The following SYNPR variants were observed in gnomAD, a reference collection of about 807,000 sequenced individuals.
SYNPR encodes synaptoporin.
In SYNPR, 23 loss-of-function variants were observed where a neutral mutation model predicts 32.9. The observed-to-expected ratio is 0.70, with a 90% CI of 0.50 to 0.99. SYNPR has a LOEUF of 0.99. Among genes scored for constraint, SYNPR ranks in the 50% least tolerant of loss-of-function variants. The pLI, the probability that SYNPR is intolerant of heterozygous loss-of-function variation, is 0.00. For synonymous variants in SYNPR, 146 were observed against 135.9 expected, an observed-to-expected ratio of 1.07 and a Z score of -0.52; for missense variants, 318 against 349.3, an observed-to-expected ratio of 0.91 and a Z score of 0.71.
At chr3:63,615,080 C>T (rs1269812274) in intron 5 of SYNPR, 144 bp from the exon 6 acceptor site, 4 of 976,800 alleles carry the variant, frequency 4.1e-6, no homozygotes, top group South Asian at 3.5e-5. Context: ...AAATGAAATA[C>T]CGGTTCCAAA....
chr3:63,367,862 A>T (rs2087747152), intron 2 of SYNPR, among the ~76,000 whole-genome samples: 1 of 152,210 alleles, frequency 6.6e-6, no homozygotes, highest in African/African-American at 2.4e-5. Flanking sequence ...GGGCAAGCAC[A>T]ATCACTGATG....
chr3:63,564,862 T>G (rs1702755184), intron 4 of SYNPR, among the ~76,000 whole-genome samples: 1 of 152,230 alleles, frequency 6.6e-6, no homozygotes, highest in African/African-American at 2.4e-5. Context: ...TCTGTAGCCT[T>G]AATAAAGGCA....
intron 2 of SYNPR, among the ~76,000 whole-genome samples, chr3:63,337,047 C>A (rs2106994411): frequency 6.6e-6 from 1 of 151,982 alleles, no homozygotes; most frequent in South Asian, 2.1e-4. Context: ...GCCTGGCCAA[C>A]ATGGTGAAAT....
chr3:63,513,833 G>T (rs1166870469), intron 3 of SYNPR, among the ~76,000 whole-genome samples: 2 of 151,856 alleles, frequency 1.3e-5, no homozygotes, highest in Non-Finnish European at 2.9e-5. Context: ...AAAAAGAAAG[G>T]GAGAGAGAAA....
chr3:63,325,518 G>T (rs138245806), intron 2 of SYNPR, among the ~76,000 whole-genome samples: 4 of 152,022 alleles, frequency 2.6e-5, no homozygotes, highest in South Asian at 4.1e-4. Flanking sequence ...CTAAGCCCAG[G>T]ATCTTACTGA....
intron 2 of SYNPR, among the ~76,000 whole-genome samples, chr3:63,386,928 C>G (rs2088053972): frequency 6.6e-6 from 1 of 152,232 alleles, no homozygotes; most frequent in African/African-American, 2.4e-5. Flanking sequence ...GGCCTCTGCT[C>G]TTCTTTCCAG....
intron 3 of SYNPR, among the ~76,000 whole-genome samples, chr3:63,517,434 T>TAAG (rs1701821071): frequency 6.6e-6 from 1 of 152,096 alleles, no homozygotes; most frequent in Non-Finnish European, 1.5e-5. Flanking sequence ...TTAAGTGAAT[T>TAAG]TGTACTGAAA....
chr3:63,431,563 G>C (rs1553635651), intron 2 of SYNPR, among the ~76,000 whole-genome samples: 1 of 152,150 alleles, frequency 6.6e-6, no homozygotes, highest in Non-Finnish European at 1.5e-5. Context: ...AATTTATCTG[G>C]TTTTTTGAAG....
At chr3:63,309,581 G>T (rs922017388) in intron 2 of SYNPR, among the ~76,000 whole-genome samples, 5 of 152,018 alleles carry the variant, frequency 3.3e-5, no homozygotes, top group Non-Finnish European at 7.4e-5. Context: ...ATTACTCCCT[G>T]CTTCTGAGGC....
chr3:63,413,023 G>A (rs185885527), intron 2 of SYNPR, among the ~76,000 whole-genome samples: 23 of 152,094 alleles, frequency 1.5e-4, no homozygotes, highest in African/African-American at 3.9e-4. Flanking sequence ...AAGTGTTCAC[G>A]TCATTATCTT....
rs376530235 is a variant in SYNPR, at chr3:63,408,220, G to A, written c.85-72612G>A. Among the ~76,000 whole-genome samples the A allele has an allele frequency of 2.9e-3, 200 of 68,628 alleles. 2 individuals are homozygous for A. Among genetic ancestry groups the A allele is most frequent in the Non-Finnish European group, 3.7e-3 (136 of 36,512 alleles). The allele number at this position is 68,628 out of a possible 152,430, so 45.0% of individuals were successfully genotyped here. A position where few individuals can be genotyped will look rare whatever the true frequency, so the allele number is the denominator to read the frequency against. ...AGGAAGGAAGGAAGGAAGGAAGGAA[G>A]GAAGGAAGGAAAGAAAGAAAGAAAG... On this transcript the variant is annotated intron_variant, in intron 2 of 5. Transcript: ENST00000478300.
chr3:63,494,895 C>T lies in SYNPR; in HGVS notation c.209+13939C>T, dbSNP rs77501898. 8.3e-3 allele frequency among the ~76,000 whole-genome samples: 1,264 copies of T among 152,212 alleles called. 58 individuals carry two copies. The East Asian group carries it at 0.13, about 16-fold the overall frequency. The stretch of plus-strand genomic sequence containing the variant: ...TCCCCACAATTGCAGAGACTTCCTC[C>T]TCATTCCTACATTTATAGCCTATTC... On this transcript the variant is annotated intron_variant, in intron 3 of 5. Transcript: ENST00000478300.
chr3:63,348,543 C>T (rs1285910826), intron 2 of SYNPR, among the ~76,000 whole-genome samples: 1 of 152,130 alleles, frequency 6.6e-6, no homozygotes, highest in Non-Finnish European at 1.5e-5. Flanking sequence ...AATTAAGTCC[C>T]CTTTATTTTT....
chr3:63,494,402 T>TATATATATACAC (rs1553641122), intron 3 of SYNPR, among the ~76,000 whole-genome samples: 5 of 65,716 alleles, frequency 7.6e-5, no homozygotes, highest in Middle Eastern at 7.7e-3. Flanking sequence ...CTTATATATA[T>TATATATATACAC]ATATATATAT....
chr3:63,203,781 G>C, the SYNPR span, among the ~76,000 whole-genome samples: 1 of 152,116 alleles, frequency 6.6e-6, no homozygotes, highest in African/African-American at 2.4e-5. Flanking sequence ...CGGATCACCT[G>C]AGGTCAGGAG....
intron 3 of SYNPR, among the ~76,000 whole-genome samples, chr3:63,486,308 G>A: frequency 6.6e-6 from 1 of 152,122 alleles, no homozygotes; most frequent in East Asian, 1.9e-4. Flanking sequence ...ATGTCTCCTG[G>A]AGCAGCCCTT....
chr3:63,332,491 G>T (rs1560194871), intron 2 of SYNPR, among the ~76,000 whole-genome samples: 1 of 152,074 alleles, frequency 6.6e-6, no homozygotes. Context: ...TTAGACTTTA[G>T]GTCAGTACTT....
At chr3:63,351,358 T>A (rs1000893312) in intron 2 of SYNPR, 5 of 152,152 alleles carry the variant, frequency 3.3e-5, no homozygotes, top group Admixed American at 3.3e-4. Flanking sequence ...ATACTTCCAG[T>A]AGAGGGTACG....
At chr3:63,443,066 C>G (rs981251003) in intron 2 of SYNPR, 14 of 1,017,562 alleles carry the variant, frequency 1.4e-5, no homozygotes, top group African/African-American at 1.0e-4. Context: ...GGTGATGCAG[C>G]CTGCTCGTGC....
Sources: allele counts gnomAD v4.1 joint callset (sites outside exome capture counted in the v4.1 genomes callset), GRCh38; gene constraint gnomAD v4.1.1; transcripts MANE v1.5; gene names NCBI Gene and HGNC (gene_info 2026-07-23, HGNC 2026-07-21).